APBB2: variants seen among roughly 807,000 people sequenced by gnomAD.
APBB2 encodes amyloid beta precursor protein binding family B member 2.
A neutral mutation model predicts 82.5 loss-of-function variants in APBB2; 38 were observed. The ratio of observed to expected loss-of-function variants is 0.46; its 90% CI spans 0.36 to 0.60. The LOEUF is 0.60. Among genes scored for constraint, APBB2 ranks in the 20% least tolerant of loss-of-function variants. The pLI, the probability that APBB2 is intolerant of heterozygous loss-of-function variation, is 0.00. For missense variants in APBB2, 772 were observed against 972.3 expected (o/e 0.79, Z 2.74); for synonymous variants, 341 against 368.2 (o/e 0.93, Z 0.85).
At chr4:40,942,651 G>A (rs1050469609) in intron 7 of APBB2, among the ~76,000 whole-genome samples, 9 of 152,112 alleles carry the variant, frequency 5.9e-5, no homozygotes, top group Non-Finnish European at 1.2e-4. Context: ...GGCTGTTGGG[G>A]GGGAACACTG....
chr4:40,967,490 C>T (rs1344928565), intron 6 of APBB2, among the ~76,000 whole-genome samples: 10 of 152,166 alleles, frequency 6.6e-5, no homozygotes, highest in South Asian at 2.1e-4. Flanking sequence ...TTCTGGGCAC[C>T]GATGCGTTTA....
chr4:40,912,352 G>A (rs1410957026), intron 10 of APBB2, among the ~76,000 whole-genome samples: 1 of 152,236 alleles, frequency 6.6e-6, no homozygotes, highest in African/African-American at 2.4e-5. Context: ...GCCAAGGCGG[G>A]CGGATCACCA....
intron 1 of APBB2, among the ~76,000 whole-genome samples, chr4:41,172,634 T>C (rs1245116563): frequency 2.6e-5 from 4 of 152,256 alleles, no homozygotes; most frequent in African/African-American, 4.8e-5. Context: ...CTTCACGCAA[T>C]GGGAGTGGGC....
intron 2 of APBB2, among the ~76,000 whole-genome samples, chr4:41,132,295 G>A (rs1379039592): frequency 6.6e-6 from 1 of 152,164 alleles, no homozygotes; most frequent in African/African-American, 2.4e-5. Context: ...GAGTTAAGCA[G>A]CTATTGCTAC....
chr4:40,868,441 T>C (rs1764598324), intron 12 of APBB2, among the ~76,000 whole-genome samples: 1 of 152,220 alleles, frequency 6.6e-6, no homozygotes. Context: ...ATAATTTTTC[T>C]TTAGGAACAC....
chr4:41,084,390 T>G (rs1330929381), intron 3 of APBB2, among the ~76,000 whole-genome samples: 1 of 152,030 alleles, frequency 6.6e-6, no homozygotes, highest in Admixed American at 6.6e-5. Flanking sequence ...CACCATTGCA[T>G]TCCAGCCTGG....
chr4:41,071,667 C>A (rs565369283), intron 3 of APBB2, among the ~76,000 whole-genome samples: 1 of 151,684 alleles, frequency 6.6e-6, no homozygotes, highest in Non-Finnish European at 1.5e-5. Flanking sequence ...GGTGACAGAG[C>A]GAGACTCTGT....
chr4:41,116,637 A>T (rs962325301), intron 2 of APBB2, among the ~76,000 whole-genome samples: 1 of 152,162 alleles, frequency 6.6e-6, no homozygotes, highest in Admixed American at 6.5e-5. Flanking sequence ...GTCTCAAAAA[A>T]ATAAAGTCAT....
chr4:41,195,557 A>G, intron 1 of APBB2, among the ~76,000 whole-genome samples: 2 of 152,156 alleles, frequency 1.3e-5, no homozygotes, highest in Non-Finnish European at 2.9e-5. Context: ...CAGCACCCCT[A>G]AAGTCTGTTC....
chr4:40,867,632 T>A (rs1015916571), intron 12 of APBB2, among the ~76,000 whole-genome samples: 1 of 152,160 alleles, frequency 6.6e-6, no homozygotes, highest in Non-Finnish European at 1.5e-5. Flanking sequence ...AAATTCTCCA[T>A]TGAGCTCATT....
At chr4:41,118,231 AAAAC>A (rs1239570406) in intron 2 of APBB2, 2 of 152,118 alleles carry the variant, frequency 1.3e-5, no homozygotes, top group African/African-American at 4.8e-5. Flanking sequence ...ACAAAAAACA[AAAAC>A]AAAAAACCCT....
At chr4:41,064,829 C>A (rs1731158170) in intron 4 of APBB2, among the ~76,000 whole-genome samples, 1 of 152,180 alleles carries the variant, frequency 6.6e-6, no homozygotes, top group South Asian at 2.1e-4. Flanking sequence ...TAAACAGAGA[C>A]ATACCCAGGG....
chr4:41,071,409 G>A (rs189971418), intron 3 of APBB2, among the ~76,000 whole-genome samples: 51 of 152,260 alleles, frequency 3.3e-4, no homozygotes, highest in African/African-American at 1.1e-3. Flanking sequence ...GGCCGGGCAC[G>A]CTGGCTCACA....
chr4:40,811,019 A>ATTGT lies in APBB2; in HGVS notation c.*5069_*5072dup, dbSNP rs1744292873. 1 of 152,092 alleles carries ATTGT rather than the reference A, an allele frequency of 6.6e-6. No individual in the cohort carries two copies. Among genetic ancestry groups the ATTGT allele is most frequent in the Non-Finnish European group, 1.5e-5 (1 of 68,026 alleles). The allele number at this position is 152,092 out of a possible 1,614,324, so 9.4% of individuals were successfully genotyped here. A position where few individuals can be genotyped will look rare whatever the true frequency, so the allele number is the denominator to read the frequency against. On this transcript the variant is annotated 3_prime_UTR_variant, in exon 18 of 18. Transcript: ENST00000508593. The stretch of plus-strand genomic sequence containing the variant: ...AGTGTATTTTCTGTGATGTTGTCTC[A>ATTGT]TTGTTATGGAATAGTTTAGGATAAT...
At chr4:41,140,786 G>C (rs144500059) in intron 2 of APBB2, among the ~76,000 whole-genome samples, 1 of 152,328 alleles carries the variant, frequency 6.6e-6, no homozygotes, top group East Asian at 1.9e-4. Flanking sequence ...ATTGTGAACT[G>C]CACGTGCCAG....
At chr4:41,164,093 T>C (rs1441509537) in intron 1 of APBB2, among the ~76,000 whole-genome samples, 2 of 152,242 alleles carry the variant, frequency 1.3e-5, no homozygotes, top group African/African-American at 4.8e-5. Flanking sequence ...ATCTTGGAGA[T>C]GGAGCCCAAG....
At chr4:41,010,637 T>G (rs976269260) in intron 6 of APBB2, among the ~76,000 whole-genome samples, 4 of 152,174 alleles carry the variant, frequency 2.6e-5, no homozygotes, top group African/African-American at 9.7e-5. Context: ...GCCAAGGGGC[T>G]ATGGACAGAA....
At chr4:41,007,475 G>A (rs1542988) in intron 6 of APBB2, among the ~76,000 whole-genome samples, 6,981 of 152,094 alleles carry the variant, frequency 0.046, 340 homozygotes, top group African/African-American at 0.13. Flanking sequence ...CAAAGCGTGA[G>A]GTCAACTGAA....
intron 6 of APBB2, among the ~76,000 whole-genome samples, chr4:40,999,599 CA>C (rs776942753): frequency 6.6e-6 from 1 of 152,180 alleles, no homozygotes; most frequent in Non-Finnish European, 1.5e-5. Flanking sequence ...GTATCAATAT[CA>C]CCTGAGAGTT....
Sources: allele counts gnomAD v4.1 joint callset (sites outside exome capture counted in the v4.1 genomes callset), GRCh38; gene constraint gnomAD v4.1.1; transcripts MANE v1.5; gene names NCBI Gene and HGNC (gene_info 2026-07-23, HGNC 2026-07-21).